Variants in CTNNA3 observed in about 807,000 individuals in gnomAD.
CTNNA3 encodes the protein catenin alpha-3.
A neutral mutation model predicts 95.7 loss-of-function variants in CTNNA3; 76 were observed. The ratio of observed to expected loss-of-function variants is 0.79; its 90% CI spans 0.66 to 0.96. The LOEUF (loss-of-function observed/expected upper bound fraction) is 0.96. CTNNA3 is among the 40% of genes least tolerant of loss of function. CTNNA3 has a pLI of 0.00. For missense variants in CTNNA3, 1,191 were observed against 1,089.8 expected, an observed-to-expected ratio of 1.09 and a Z score of -1.31; for synonymous variants, 431 against 374.4, an observed-to-expected ratio of 1.15 and a Z score of -1.74.
chr10:67,074,574 T>C (rs1043107682), intron 7 of CTNNA3, among the ~76,000 whole-genome samples: 184 of 151,922 alleles, frequency 1.2e-3, no homozygotes, highest in African/African-American at 4.3e-3. Context: ...ATGGTCTCGA[T>C]CTCCTGACCT....
At chr10:67,275,812 G>C (rs940678696) in intron 5 of CTNNA3, among the ~76,000 whole-genome samples, 1 of 151,982 alleles carries the variant, frequency 6.6e-6, no homozygotes, top group Non-Finnish European at 1.5e-5. Context: ...AATTTCTTTA[G>C]CCGTCTTTAC....
At chr10:66,526,203 T>C (rs186784403) in intron 10 of CTNNA3, among the ~76,000 whole-genome samples, 1 of 152,112 alleles carries the variant, frequency 6.6e-6, no homozygotes, top group African/African-American at 2.4e-5. Flanking sequence ...ACAATTTTTT[T>C]AAAAAGGGGT....
chr10:66,912,594 A>C (rs576323615), intron 7 of CTNNA3, among the ~76,000 whole-genome samples: 1 of 152,358 alleles, frequency 6.6e-6, no homozygotes, highest in South Asian at 2.1e-4. Flanking sequence ...CATGAACACA[A>C]CACCAGGAAG....
chr10:66,431,405 C>G (rs2093294463), intron 11 of CTNNA3, among the ~76,000 whole-genome samples: 2 of 152,144 alleles, frequency 1.3e-5, no homozygotes, highest in Admixed American at 6.5e-5. Context: ...GGTATATACT[C>G]ATAGGATTAT....
chr10:67,190,775 TAAAAAATAAAGACATCAAG>T (rs542276956), intron 6 of CTNNA3, among the ~76,000 whole-genome samples: 28 of 151,962 alleles, frequency 1.8e-4, no homozygotes, highest in Admixed American at 4.6e-4. Context: ...ATATGTCTTT[TAAAAAATAAAGACATCAAG>T]AGAGTGAAAA....
At chr10:66,780,183 C>G (rs1264828253) in intron 7 of CTNNA3, among the ~76,000 whole-genome samples, 2 of 151,934 alleles carry the variant, frequency 1.3e-5, no homozygotes, top group African/African-American at 4.8e-5. Context: ...TGAGCTTAAC[C>G]CTATAGACAA....
At position 65,918,357 on chromosome 10, in the gene CTNNA3, C is replaced by T. The variant is rs966968520; in HGVS notation, c.*1973G>A. 1 of 152,096 alleles carries T rather than the reference C, an allele frequency of 6.6e-6. No individual in the cohort carries two copies. Among genetic ancestry groups the T allele is most frequent in the African/African-American group, 2.4e-5 (1 of 41,414 alleles). 9.4% of individuals were successfully genotyped at this position (152,096 alleles called of 1,614,324 possible). ...GGTGATTTCAAAAAAATTTTCTATA[C>T]AGCTGGTAGTTTGGTGATTAAAAGA... is the stretch of plus-strand genomic sequence containing the variant. On this transcript the variant is annotated 3_prime_UTR_variant, in exon 18 of 18. Transcript: ENST00000433211.
intron 7 of CTNNA3, among the ~76,000 whole-genome samples, chr10:66,822,333 C>T (rs937887212): frequency 1.3e-5 from 2 of 152,042 alleles, no homozygotes; most frequent in Admixed American, 6.6e-5. Flanking sequence ...GGAGTTAGAA[C>T]GGGCCTTCAG....
chr10:66,546,764 T>G (rs1304622062), intron 10 of CTNNA3, among the ~76,000 whole-genome samples: 1 of 152,120 alleles, frequency 6.6e-6, no homozygotes, highest in Non-Finnish European at 1.5e-5. Flanking sequence ...GGTCCCACTC[T>G]TGACACGTGG....
chr10:67,061,813 C>G (rs1467475594), intron 7 of CTNNA3, among the ~76,000 whole-genome samples: 7 of 152,090 alleles, frequency 4.6e-5, no homozygotes, highest in Admixed American at 4.6e-4. Flanking sequence ...AAACAAATTC[C>G]TCATTGGCAG....
At chr10:66,448,701 T>C (rs1160179896) in intron 11 of CTNNA3, among the ~76,000 whole-genome samples, 1 of 151,856 alleles carries the variant, frequency 6.6e-6, no homozygotes, top group African/African-American at 2.4e-5. Context: ...GGGGGTGGGA[T>C]AGCATTAGGA....
chr10:65,949,681 G>A (rs2077578229), intron 17 of CTNNA3, among the ~76,000 whole-genome samples: 2 of 152,166 alleles, frequency 1.3e-5, no homozygotes, highest in Non-Finnish European at 2.9e-5. Context: ...GTACAGCAGA[G>A]TTGGTTCCAT....
At chr10:66,390,694 C>A (rs2092927530) in intron 11 of CTNNA3, among the ~76,000 whole-genome samples, 1 of 152,018 alleles carries the variant, frequency 6.6e-6, no homozygotes, top group Admixed American at 6.6e-5. Flanking sequence ...AACTAAAAAG[C>A]AAATAGAATG....
At chr10:66,543,903 GTGTGTGTGTA>G (rs1201938386) in intron 10 of CTNNA3, among the ~76,000 whole-genome samples, 1,790 of 44,106 alleles carry the variant, frequency 0.041, 19 homozygotes, top group Middle Eastern at 0.16. Context: ...CTTGAGATGT[GTGTGTGTGTA>G]TATATATATA....
At chr10:67,464,983 C>T (rs1847530594) in intron 5 of CTNNA3, among the ~76,000 whole-genome samples, 2 of 151,796 alleles carry the variant, frequency 1.3e-5, no homozygotes, top group Admixed American at 6.6e-5. Context: ...ATTTTTAATG[C>T]TTTATGAAGG....
intron 9 of CTNNA3, among the ~76,000 whole-genome samples, chr10:66,658,772 C>A (rs1339298603): frequency 3.3e-5 from 5 of 152,194 alleles, no homozygotes; most frequent in East Asian, 3.9e-4. Context: ...CAGTTGACTG[C>A]AACCTGTGCC....
intron 13 of CTNNA3, among the ~76,000 whole-genome samples, chr10:66,137,723 G>C (rs1394464036): frequency 6.6e-6 from 1 of 152,032 alleles, no homozygotes; most frequent in Non-Finnish European, 1.5e-5. Context: ...GAGGTGGGTG[G>C]ATAACCTGAG....
At chr10:66,772,315 C>T (rs1287407059) in intron 8 of CTNNA3, among the ~76,000 whole-genome samples, 1 of 151,568 alleles carries the variant, frequency 6.6e-6, no homozygotes, top group Non-Finnish European at 1.5e-5. Flanking sequence ...ATCCCAGCTA[C>T]TTAGGAGGCT....
At chr10:66,414,485 C>T (rs1000527802) in intron 11 of CTNNA3, among the ~76,000 whole-genome samples, 1 of 152,144 alleles carries the variant, frequency 6.6e-6, no homozygotes, top group East Asian at 1.9e-4. Flanking sequence ...CTCCTATAGT[C>T]CTAGCCACGG....
Sources: gnomAD v4.1 joint callset for allele counts (sites outside exome capture counted in the v4.1 genomes callset) on GRCh38, gnomAD v4.1.1 for gene constraint, MANE v1.5 for transcripts, NCBI Gene and HGNC (gene_info 2026-07-23, HGNC 2026-07-21) for gene names.